Variants in MRPL30 observed in about 807,000 individuals in gnomAD.
The protein encoded by MRPL30 is large ribosomal subunit protein uL30m.
MRPL30 carries 10 observed loss-of-function variants against 17.2 expected under a neutral mutation model. The observed-to-expected ratio is 0.58, with a 90% CI of 0.36 to 0.99. MRPL30 has a LOEUF of 0.99. MRPL30 is among the 50% of genes least tolerant of loss of function. The pLI is 0.01. For missense variants in MRPL30, 170 were observed against 189.8 expected (o/e 0.90, Z 0.61); for synonymous variants, 61 against 62.1 (o/e 0.98, Z 0.08).
chr2:99,182,281 C>T (rs1404201947), intron 1 of MRPL30, among the ~76,000 whole-genome samples: 1 of 152,214 alleles, frequency 6.6e-6, no homozygotes, highest in Non-Finnish European at 1.5e-5. Flanking sequence ...CCTTGCCGGG[C>T]GTGGTGGCTC....
intron 1 of MRPL30, among the ~76,000 whole-genome samples, chr2:99,185,574 T>C (rs1043997804): frequency 1.3e-5 from 2 of 152,198 alleles, no homozygotes; most frequent in Non-Finnish European, 2.9e-5. Context: ...CTTTTTAGGT[T>C]ATAGAAGCAA....
intron 3 of MRPL30, among the ~76,000 whole-genome samples, chr2:99,192,155 G>A (rs938687584): frequency 1.6e-4 from 25 of 152,112 alleles, no homozygotes; most frequent in African/African-American, 5.8e-4. Context: ...GTAATGAGGA[G>A]GAAAGAGTAG....
chr2:99,183,296 G>T (rs1048178984), intron 1 of MRPL30, among the ~76,000 whole-genome samples: 1 of 152,126 alleles, frequency 6.6e-6, no homozygotes, highest in Non-Finnish European at 1.5e-5. Context: ...AGAGTTGGGG[G>T]TGGTGGCCCA....
intron 5 of MRPL30, 123 bp from the exon 6 acceptor site, chr2:99,195,450 A>G: frequency 4.4e-6 from 5 of 1,137,676 alleles, no homozygotes; most frequent in Admixed American, 5.0e-5. Context: ...CATGTTGGGA[A>G]CATTCAACAT....
Position 99,195,724 on chromosome 2 carries a change from T to A in MRPL30, c.*19T>A. ...GTCCTAATGCCCCAGCAGCTTCCGATTGGAAAATGCAAATTGTTTTTATTT... is the reference window on the plus strand; with the variant it reads ...GTCCTAATGCCCCAGCAGCTTCCGAATGGAAAATGCAAATTGTTTTTATTT... On this transcript the variant is annotated 3_prime_UTR_variant, in exon 6 of 6. Transcript: ENST00000338148. 6.2e-7 allele frequency: 1 copy of A among 1,606,536 alleles called. No homozygotes were observed. The highest frequency in any genetic ancestry group is 8.5e-7 in the Non-Finnish European group (1 of 1,178,220).
intron 1 of MRPL30, among the ~76,000 whole-genome samples, chr2:99,182,994 G>A (rs1403080418): frequency 1.3e-5 from 2 of 152,142 alleles, no homozygotes; most frequent in Admixed American, 6.6e-5. Flanking sequence ...TGACAGTTGG[G>A]GTATGGGTGA....
chr2:99,185,698 T>C, intron 1 of MRPL30: 1 of 375,418 alleles, frequency 2.7e-6, no homozygotes, highest in East Asian at 7.9e-5. Flanking sequence ...ATTAGGAGAA[T>C]GGGGTTCCAG....
intron 5 of MRPL30, 159 bp from the exon 6 acceptor site, chr2:99,195,414 A>G (rs956244860): frequency 1.8e-5 from 17 of 926,216 alleles, no homozygotes; most frequent in African/African-American, 1.0e-4. Context: ...TGGCATATCC[A>G]TCATCTCAGA....
intron 1 of MRPL30, chr2:99,185,751 T>C (rs1322991947): frequency 4.5e-6 from 2 of 445,320 alleles, no homozygotes; most frequent in East Asian, 1.4e-4. Context: ...GGATAAGTTA[T>C]TGAACTTTCT....
intron 1 of MRPL30, among the ~76,000 whole-genome samples, chr2:99,182,794 C>T (rs530853022): frequency 1.3e-5 from 2 of 152,268 alleles, no homozygotes; most frequent in Admixed American, 1.3e-4. Context: ...GGGCAGATAC[C>T]GCTTTACACA....
Position 99,192,710 on chromosome 2 carries a change from C to T in MRPL30, c.133-2041C>T, listed in dbSNP as rs111233556. Among the ~76,000 whole-genome samples, 720 of 152,264 alleles carry T rather than the reference C, an allele frequency of 4.7e-3. 7 individuals are homozygous for T. The highest frequency in any genetic ancestry group is 0.01 in the Middle Eastern group (3 of 294). On this transcript the variant is annotated intron_variant, in intron 3 of 5. Transcript: ENST00000338148. ...TCAATAAACATACATGTGCATGTGTCTTTATAGTAGAATGATTTATATTCC... is the reference window on the plus strand; with the variant it reads ...TCAATAAACATACATGTGCATGTGTTTTTATAGTAGAATGATTTATATTCC...
chr2:99,193,988 A>G (rs950197499), intron 3 of MRPL30, among the ~76,000 whole-genome samples: 1 of 151,714 alleles, frequency 6.6e-6, no homozygotes, highest in African/African-American at 2.4e-5. Flanking sequence ...CAGTGAGCCA[A>G]GATCGTGCCA....
intron 3 of MRPL30, among the ~76,000 whole-genome samples, chr2:99,190,094 C>T (rs1159130772): frequency 6.6e-6 from 1 of 152,038 alleles, no homozygotes; most frequent in Non-Finnish European, 1.5e-5. Context: ...CACTGCACTC[C>T]AGCCTGGACA....
At chr2:99,193,811 G>A (rs1254037523) in intron 3 of MRPL30, among the ~76,000 whole-genome samples, 1 of 152,074 alleles carries the variant, frequency 6.6e-6, no homozygotes, top group East Asian at 1.9e-4. Flanking sequence ...GGCCAAGGCG[G>A]GCGGATCACA....
At chr2:99,190,457 G>A (rs1481091251) in intron 3 of MRPL30, among the ~76,000 whole-genome samples, 1 of 151,996 alleles carries the variant, frequency 6.6e-6, no homozygotes, top group Non-Finnish European at 1.5e-5. Context: ...CTGCTCAGGA[G>A]GCTGAGATGA....
intron 1 of MRPL30, among the ~76,000 whole-genome samples, chr2:99,183,604 A>G (rs1413878105): frequency 2.6e-5 from 4 of 152,184 alleles, no homozygotes; most frequent in Non-Finnish European, 5.9e-5. Flanking sequence ...ACTGTGATCA[A>G]AATGGACAAG....
Position 99,198,083 on chromosome 2 carries a change from A to C in MRPL30, c.*2378A>C, listed in dbSNP as rs1007987811. Among the ~76,000 whole-genome samples the C allele has an allele frequency of 1.3e-5, 2 of 152,248 alleles. No individual in the cohort carries two copies. The highest frequency in any genetic ancestry group is 2.9e-5 in the Non-Finnish European group (2 of 68,042). On this transcript the variant is annotated 3_prime_UTR_variant, in exon 6 of 6. Coordinates refer to ENST00000338148, the MANE Select transcript of MRPL30 (RefSeq NM_145212.4). ...AGAGGGGATCTAAATGTTAAGTTGA[A>C]TATTTAGAAATAAAAGTGTCTACAA... is the stretch of plus-strand genomic sequence containing the variant.
intron 3 of MRPL30, among the ~76,000 whole-genome samples, chr2:99,191,009 CTT>C (rs751744932): frequency 1.9e-4 from 27 of 143,720 alleles, no homozygotes; most frequent in Admixed American, 1.4e-4. Flanking sequence ...CCCTGACTAT[CTT>C]TTTTTTTTTT....
intron 3 of MRPL30, among the ~76,000 whole-genome samples, chr2:99,190,814 A>G (rs1239827328): frequency 2.6e-5 from 4 of 152,152 alleles, no homozygotes; most frequent in Non-Finnish European, 5.9e-5. Context: ...CTTCATACCT[A>G]GGTGATGGGT....
Sources: allele counts gnomAD v4.1 joint callset (sites outside exome capture counted in the v4.1 genomes callset), GRCh38; gene constraint gnomAD v4.1.1; transcripts MANE v1.5; gene names NCBI Gene and HGNC (gene_info 2026-07-23, HGNC 2026-07-21).